Variants in SEC11A observed in about 807,000 individuals in gnomAD.
SEC11A encodes the protein SEC11 homolog A, signal peptidase complex subunit.
In SEC11A, 14 loss-of-function variants were observed where a neutral mutation model predicts 25.6. The observed-to-expected ratio is 0.55, with a 90% CI of 0.36 to 0.85. SEC11A has a LOEUF of 0.85. Among genes scored for constraint, SEC11A ranks in the 40% least tolerant of loss-of-function variants. The pLI, the probability that SEC11A is intolerant of heterozygous loss-of-function variation, is 0.01. For synonymous variants in SEC11A, 83 were observed against 76.4 expected, an observed-to-expected ratio of 1.09 and a Z score of -0.45; for missense variants, 153 against 222.9, an observed-to-expected ratio of 0.69 and a Z score of 2.00.
intron 3 of SEC11A, among the ~76,000 whole-genome samples, chr15:84,686,132 C>A (rs1897415512): frequency 6.6e-6 from 1 of 152,036 alleles, no homozygotes; most frequent in Non-Finnish European, 1.5e-5. Flanking sequence ...TAAGTTATTC[C>A]TTCCCAGTCA....
chr15:84,691,493 T>G (rs777101020), intron 2 of SEC11A, 42 bp downstream of exon 2: 1 of 1,080,364 alleles, frequency 9.3e-7, no homozygotes, highest in Non-Finnish European at 1.4e-6. Flanking sequence ...TTCTCCCAAG[T>G]AATGCCATGC....
chr15:84,707,657 T>C (rs1033481207), intron 1 of SEC11A, among the ~76,000 whole-genome samples: 1 of 152,210 alleles, frequency 6.6e-6, no homozygotes, highest in Admixed American at 6.5e-5. Flanking sequence ...GCAGAAAAGA[T>C]AACCCTTCTG....
chr15:84,683,655 G>C (rs1415766483), intron 3 of SEC11A, among the ~76,000 whole-genome samples: 1 of 151,924 alleles, frequency 6.6e-6, no homozygotes, highest in Non-Finnish European at 1.5e-5. Context: ...CTCCCGAGCA[G>C]CTGGGATTAA....
At chr15:84,693,093 G>C (rs1182092741) in intron 1 of SEC11A, among the ~76,000 whole-genome samples, 1 of 152,184 alleles carries the variant, frequency 6.6e-6, no homozygotes, top group African/African-American at 2.4e-5. Flanking sequence ...AAAGGGCTGG[G>C]ATTACAGGTA....
intron 4 of SEC11A, among the ~76,000 whole-genome samples, chr15:84,677,705 C>G (rs993534138): frequency 6.6e-6 from 1 of 152,060 alleles, no homozygotes. Context: ...GATCTCCTGA[C>G]CTTGTGATCC....
intron 5 of SEC11A, 107 bp downstream of exon 5, chr15:84,670,618 G>T: frequency 1.7e-6 from 1 of 571,554 alleles, no homozygotes; most frequent in Non-Finnish European, 3.1e-6. Context: ...GGGCTCAAGC[G>T]ATCCACTCAC....
At chr15:84,708,000 G>A (rs1898146932) in intron 1 of SEC11A, among the ~76,000 whole-genome samples, 2 of 151,920 alleles carry the variant, frequency 1.3e-5, no homozygotes, top group African/African-American at 4.8e-5. Context: ...TTGAGGTCAG[G>A]AGTTCAAGAC....
rs12164926 is a variant in SEC11A, at chr15:84,685,037, G to C, written c.311+2588C>G. Among the ~76,000 whole-genome samples the C allele has an allele frequency of 5.1e-3, 781 of 151,982 alleles. 7 individuals carry two copies. Among genetic ancestry groups the C allele is most frequent in the African/African-American group, 0.014 (577 of 41,430 alleles). On this transcript the variant is annotated intron_variant, in intron 3 of 5. Transcript: ENST00000268220. ...ATTGAAAATTTCTGAATATTAACAG[G>C]GTCTGTTATCTACACAGGCCTGCAA...
chr15:84,682,187 T>C (rs887618468), intron 3 of SEC11A, among the ~76,000 whole-genome samples: 10 of 151,968 alleles, frequency 6.6e-5, no homozygotes, highest in Admixed American at 5.9e-4. Flanking sequence ...CTTCTGTACA[T>C]GTCAGAAACT....
Position 84,687,580 on chromosome 15 carries a change from TAAAC to T in SEC11A, c.311+41_311+44del, listed in dbSNP as rs1360578492. On this transcript the variant is annotated intron_variant, in intron 3 of 5. Coordinates refer to ENST00000268220, the MANE Select transcript of SEC11A (RefSeq NM_014300.4). ...ATCAAAACTAAATACCACAAACACT[TAAAC>T]AAAAGCACTTAGAAACAAAGATGCT... The T allele has an allele frequency of 1.5e-5, 23 of 1,486,770 alleles. 1 individual carries two copies. The highest frequency in any genetic ancestry group is 2.0e-5 in the Non-Finnish European group (23 of 1,123,348). 92.1% of individuals were successfully genotyped at this position (1,486,770 alleles called of 1,614,324 possible).
At chr15:84,670,347 G>A (rs965058738) in intron 5 of SEC11A, 7 of 291,598 alleles carry the variant, frequency 2.4e-5, no homozygotes, top group South Asian at 4.3e-5. Context: ...AGCAATTCTC[G>A]TGCCTCAGCC....
intron 3 of SEC11A, among the ~76,000 whole-genome samples, chr15:84,682,253 TACAGACCAATGGATAA>T (rs1168829373): frequency 1.3e-5 from 2 of 152,046 alleles, no homozygotes; most frequent in African/African-American, 2.4e-5. Context: ...TCTAAAATAA[TACAGACCAATGGATAA>T]ACAGACCAAT....
intron 1 of SEC11A, among the ~76,000 whole-genome samples, chr15:84,713,724 T>C (rs1898363106): frequency 6.6e-6 from 1 of 152,198 alleles, no homozygotes; most frequent in South Asian, 2.1e-4. Flanking sequence ...GCAGGAAGAG[T>C]ACCTTATATA....
rs1187771141 is a variant in SEC11A at position 84,679,956 on chromosome 15, TCTC to T, written c.431+754_431+756del. ...CAATTCCTGTCCTCCACTGAACTGT[TCTC>T]CTGATAAAATCTGAAACAAACAGGC... On this transcript the variant is annotated intron_variant, in intron 4 of 5. Transcript: ENST00000268220. The T allele has an allele frequency of 7.8e-6, 12 of 1,530,630 alleles. No homozygotes were observed. In the East Asian group the frequency reaches 2.0e-4, roughly 25 times the overall value. 94.8% of individuals were successfully genotyped at this position (1,530,630 alleles called of 1,614,324 possible).
chr15:84,705,126 T>C (rs962499657), intron 1 of SEC11A, among the ~76,000 whole-genome samples: 5 of 152,122 alleles, frequency 3.3e-5, no homozygotes, highest in African/African-American at 1.2e-4. Context: ...GGTCTCACTA[T>C]ATTGCCCAGG....
intron 4 of SEC11A, chr15:84,672,439 G>GT (rs1261056758): frequency 2.5e-5 from 4 of 160,916 alleles, no homozygotes; most frequent in African/African-American, 9.6e-5. Context: ...ACTGGTTTTC[G>GT]TATTTTTTTG....
intron 1 of SEC11A, among the ~76,000 whole-genome samples, chr15:84,700,366 C>T (rs549491892): frequency 6.6e-6 from 1 of 151,426 alleles, no homozygotes; most frequent in Admixed American, 6.6e-5. Flanking sequence ...GAGGCCAAGG[C>T]GGGCAGATCA....
In SEC11A at chr15:84,669,924, G is replaced by A; in HGVS notation, c.*95C>T. 4 of 1,596,492 alleles carry A rather than the reference G, an allele frequency of 2.5e-6. No homozygotes were observed. Among genetic ancestry groups the A allele is most frequent in the Non-Finnish European group, 3.4e-6 (4 of 1,171,694 alleles). ...GTGCTACCCAGAAGCACCAACACGT[G>A]TGTTCTCCATTCCACCAATCACAGA... On this transcript the variant is annotated 3_prime_UTR_variant, in exon 6 of 6. Coordinates refer to ENST00000268220, the MANE Select transcript of SEC11A (RefSeq NM_014300.4).
chr15:84,716,077 G>A lies in SEC11A; in HGVS notation c.-2C>T. The A allele has an allele frequency of 1.2e-6, 2 of 1,613,590 alleles. No homozygotes were observed. The highest frequency in any genetic ancestry group is 1.7e-6 in the Non-Finnish European group (2 of 1,179,702). On this transcript the variant is annotated 5_prime_UTR_variant, in exon 1 of 6. Transcript: ENST00000268220. ...GTCCAAAAAGTCTAGAGACAGCATG[G>A]CGGGGACGGCGAGCAGGACACCGGC...
Sources: gnomAD v4.1 joint callset for allele counts (sites outside exome capture counted in the v4.1 genomes callset) on GRCh38, gnomAD v4.1.1 for gene constraint, MANE v1.5 for transcripts, NCBI Gene and HGNC (gene_info 2026-07-23, HGNC 2026-07-21) for gene names.